SLC44A5: variants seen among roughly 807,000 people sequenced by gnomAD.
SLC44A5 encodes the protein choline transporter-like protein 5.
A neutral mutation model predicts 101.8 loss-of-function variants in SLC44A5; 57 were observed. The observed-to-expected ratio is 0.56, with a 90% CI of 0.45 to 0.70. SLC44A5 has a LOEUF of 0.70. SLC44A5 is among the 30% of genes least tolerant of loss of function. The pLI, the probability that SLC44A5 is intolerant of heterozygous loss-of-function variation, is 0.00. For synonymous variants in SLC44A5, 281 were observed against 290.9 expected, an observed-to-expected ratio of 0.97 and a Z score of 0.35; for missense variants, 737 against 853.1, an observed-to-expected ratio of 0.86 and a Z score of 1.70.
intron 2 of SLC44A5, among the ~76,000 whole-genome samples, chr1:75,488,576 C>A (rs1200696927): frequency 6.6e-6 from 1 of 152,118 alleles, no homozygotes; most frequent in Non-Finnish European, 1.5e-5. Flanking sequence ...TCCAAATAAT[C>A]CGGATTTTCA....
At chr1:75,389,622 A>G (rs532665417) in intron 3 of SLC44A5, among the ~76,000 whole-genome samples, 25 of 152,218 alleles carry the variant, frequency 1.6e-4, no homozygotes, top group Non-Finnish European at 3.2e-4. Context: ...AAATGAAAAG[A>G]GAGACACAAC....
intron 4 of SLC44A5, among the ~76,000 whole-genome samples, chr1:75,325,118 A>G (rs1047008212): frequency 1.3e-5 from 2 of 152,192 alleles, no homozygotes; most frequent in African/African-American, 4.8e-5. Flanking sequence ...TGTATAATGC[A>G]TAAAGCACTC....
chr1:75,481,331 G>A (rs1321952486), intron 2 of SLC44A5, among the ~76,000 whole-genome samples: 1 of 152,118 alleles, frequency 6.6e-6, no homozygotes, highest in Non-Finnish European at 1.5e-5. Flanking sequence ...TACCATTCAG[G>A]ACATAGGCAT....
chr1:75,670,373 T>G, the SLC44A5 span, among the ~76,000 whole-genome samples: 6 of 152,048 alleles, frequency 3.9e-5, no homozygotes, highest in African/African-American at 1.4e-4. Flanking sequence ...AAAGAAAGAC[T>G]CTAAAAAATT....
At chr1:75,226,061 A>C (rs999509589) in intron 13 of SLC44A5, among the ~76,000 whole-genome samples, 1 of 152,216 alleles carries the variant, frequency 6.6e-6, no homozygotes, top group Non-Finnish European at 1.5e-5. Flanking sequence ...AAATTCAGGA[A>C]AAATGATGAG....
the SLC44A5 span, among the ~76,000 whole-genome samples, chr1:75,717,661 T>C: frequency 1.3e-5 from 2 of 152,026 alleles, no homozygotes; most frequent in Admixed American, 1.3e-4. Flanking sequence ...TTGATGGGGG[T>C]GAAACTTAGA....
At chr1:75,578,233 T>C (rs1673483576) in intron 1 of SLC44A5, among the ~76,000 whole-genome samples, 1 of 152,146 alleles carries the variant, frequency 6.6e-6, no homozygotes, top group African/African-American at 2.4e-5. Context: ...ATTCATTTTT[T>C]ATGATTCCTT....
chr1:75,390,728 C>T (rs1183636069), intron 3 of SLC44A5, among the ~76,000 whole-genome samples: 1 of 152,110 alleles, frequency 6.6e-6, no homozygotes, highest in Non-Finnish European at 1.5e-5. Flanking sequence ...AAACCTGTAG[C>T]CAACATCATA....
chr1:75,477,343 A>C (rs1667485231), intron 2 of SLC44A5, among the ~76,000 whole-genome samples: 1 of 152,242 alleles, frequency 6.6e-6, no homozygotes. Flanking sequence ...TAAGAAGCAG[A>C]GCGCCTCTCC....
chr1:75,490,993 C>A (rs2101809709), intron 2 of SLC44A5, among the ~76,000 whole-genome samples: 1 of 151,990 alleles, frequency 6.6e-6, no homozygotes, highest in East Asian at 1.9e-4. Flanking sequence ...ATTTCCTTTT[C>A]TTCCTTGCTG....
chr1:75,513,012 A>T (rs956094161), intron 2 of SLC44A5, among the ~76,000 whole-genome samples: 4 of 152,216 alleles, frequency 2.6e-5, no homozygotes, highest in Admixed American at 6.5e-5. Flanking sequence ...AAGAAGGATG[A>T]TACTGTTAGG....
chr1:75,284,018 T>C (rs961859757), intron 5 of SLC44A5, among the ~76,000 whole-genome samples: 1 of 152,090 alleles, frequency 6.6e-6, no homozygotes, highest in Non-Finnish European at 1.5e-5. Context: ...ATTTTAAGAT[T>C]GTTTTTTCGA....
intron 2 of SLC44A5, among the ~76,000 whole-genome samples, chr1:75,412,895 C>T (rs936181954): frequency 1.3e-5 from 2 of 152,090 alleles, no homozygotes; most frequent in African/African-American, 4.8e-5. Flanking sequence ...GCTCAATGAT[C>T]CAGGATCACC....
chr1:75,323,500 C>CCCTG (rs766833348), intron 4 of SLC44A5, among the ~76,000 whole-genome samples: 3 of 152,106 alleles, frequency 2.0e-5, no homozygotes, highest in Non-Finnish European at 2.9e-5. Flanking sequence ...AGTTCTAGAT[C>CCCTG]CCTGAGGAAT....
chr1:75,678,901 A>G, the SLC44A5 span, among the ~76,000 whole-genome samples: 2 of 152,182 alleles, frequency 1.3e-5, no homozygotes, highest in Admixed American at 6.5e-5. Context: ...AATAATCAAT[A>G]CAGAGAAGTG....
intron 3 of SLC44A5, among the ~76,000 whole-genome samples, chr1:75,348,904 C>T (rs530950797): frequency 9.9e-5 from 15 of 152,110 alleles, no homozygotes; most frequent in Admixed American, 5.9e-4. Context: ...AATCAAGAAA[C>T]GAAAGTCACA....
the SLC44A5 span, among the ~76,000 whole-genome samples, chr1:75,682,162 G>T: frequency 6.6e-6 from 1 of 152,184 alleles, no homozygotes. Context: ...TCAATATCGT[G>T]AAAATGGCCA....
At chr1:75,469,924 A>G (rs995308884) in intron 2 of SLC44A5, among the ~76,000 whole-genome samples, 2 of 146,542 alleles carry the variant, frequency 1.4e-5, no homozygotes, top group African/African-American at 2.6e-5. Context: ...AAAAAAAAAA[A>G]GTAGAGTCAA....
intron 2 of SLC44A5, among the ~76,000 whole-genome samples, chr1:75,411,611 A>T (rs1432976640): frequency 6.6e-6 from 1 of 152,034 alleles, no homozygotes; most frequent in East Asian, 1.9e-4. Flanking sequence ...GTCAACCCAT[A>T]ACAGAGCCAA....
Sources: allele counts gnomAD v4.1 joint callset (sites outside exome capture counted in the v4.1 genomes callset), GRCh38; gene constraint gnomAD v4.1.1; transcripts MANE v1.5; gene names NCBI Gene and HGNC (gene_info 2026-07-23, HGNC 2026-07-21).